The following RAD51C variants were observed in gnomAD, a reference collection of about 807,000 sequenced individuals.
RAD51C encodes the protein DNA repair protein RAD51 homolog 3.
In RAD51C, 42 loss-of-function variants were observed where a neutral mutation model predicts 45.0. The observed-to-expected ratio is 0.93, with a 90% CI of 0.73 to 1.21. The LOEUF (loss-of-function observed/expected upper bound fraction) is 1.21, where lower values mean the gene tolerates loss of function less well. Among genes scored for constraint, RAD51C ranks in the 50% most tolerant of loss-of-function variants. The pLI, the probability that RAD51C is intolerant of heterozygous loss-of-function variation, is 0.00. For synonymous variants in RAD51C, 172 were observed against 159.8 expected (o/e 1.08, Z -0.58); for missense variants, 474 against 452.2 (o/e 1.05, Z -0.44).
intron 7 of RAD51C, among the ~76,000 whole-genome samples, chr17:58,730,186 A>G (rs1046461160): frequency 7.7e-6 from 1 of 130,528 alleles, no homozygotes; most frequent in African/African-American, 2.9e-5. Flanking sequence ...TTTTTTTGAG[A>G]TGGAGTCTCG....
At chr17:58,709,294 G>A (rs958478187) in intron 4 of RAD51C, among the ~76,000 whole-genome samples, 1 of 151,550 alleles carries the variant, frequency 6.6e-6, no homozygotes, top group East Asian at 1.9e-4. Flanking sequence ...GGCCAGGCTG[G>A]TCTTGAACTC....
chr17:58,693,043 T>C (rs1381161795), intron 1 of RAD51C: 2 of 519,990 alleles, frequency 3.8e-6, no homozygotes, highest in Non-Finnish European at 6.9e-6. Flanking sequence ...GATTGTCTCA[T>C]TTAACCCTCA....
chr17:58,733,883 T>C (rs190128562), intron 8 of RAD51C, among the ~76,000 whole-genome samples: 2 of 152,222 alleles, frequency 1.3e-5, no homozygotes, highest in African/African-American at 4.8e-5. Flanking sequence ...CATGCCCAGC[T>C]AATTTTTATA....
At chr17:58,732,738 T>C in intron 8 of RAD51C, 194 bp downstream of exon 8, 2 of 593,516 alleles carry the variant, frequency 3.4e-6, no homozygotes, top group Non-Finnish European at 6.1e-6. Flanking sequence ...CTGAAATTTA[T>C]TCTTAAGAGC....
Position 58,720,597 on chromosome 17 carries a change from G to A in RAD51C, c.838-149G>A, listed in dbSNP as rs1029361412. 24 of 612,526 alleles carry A rather than the reference G, an allele frequency of 3.9e-5. No individual in the cohort carries two copies. Among genetic ancestry groups the A allele is most frequent in the African/African-American group, 2.6e-4 (14 of 54,078 alleles). 37.9% of individuals were successfully genotyped at this position (612,526 alleles called of 1,614,324 possible). A position where few individuals can be genotyped will look rare whatever the true frequency, so the allele number is the denominator to read the frequency against. ...AAATGATTCTCCTGCCTCAGCCTCC[G>A]GAGTAGCTGGGATTACAGGTGCATG... is the stretch of plus-strand genomic sequence containing the variant. On this transcript the variant is annotated intron_variant, in intron 5 of 8. Coordinates refer to ENST00000337432, the MANE Select transcript of RAD51C (RefSeq NM_058216.3).
rs759669075 is a variant in RAD51C, at chr17:58,692,631, A to C, written c.-13A>C. 9 of 1,613,908 alleles carry C rather than the reference A, an allele frequency of 5.6e-6. No homozygotes were observed. The highest frequency in any genetic ancestry group is 2.2e-5 in the East Asian group (1 of 44,886). On this transcript the variant is annotated 5_prime_UTR_variant, in exon 1 of 9. Transcript: ENST00000337432. ...GGAGTTTGGCTGCTCCGGGGTTAGC[A>C]GGTGAGCCTGCGATGCGCGGGAAGA...
In RAD51C at chr17:58,719,518, TA is replaced by T. The variant is rs1036693624; in HGVS notation, c.838-1219del. Reference sequence around the variant, plus strand: ...GGCAACATAGCAAGACCCTGTCTCTTAAAAAAAAAGTTTTATGAGCTAGATG... The same window carrying T: ...GGCAACATAGCAAGACCCTGTCTCTTAAAAAAAAGTTTTATGAGCTAGATG... On this transcript the variant is annotated intron_variant, in intron 5 of 8. Transcript: ENST00000337432. Among the ~76,000 whole-genome samples the T allele has an allele frequency of 1.5e-4, 23 of 150,590 alleles. No homozygotes were observed. In the East Asian group the frequency reaches 3.5e-3, roughly 23 times the overall value.
rs1598460753 is a variant in RAD51C, at chr17:58,696,821, A to G, written c.533A>G (p.Gln178Arg). Reference sequence around the variant, plus strand: ...GTAGACCTTGCTACTGCCTGCATTCAGCACCTTCAGCTTATAGCAGAAAAA... The same window carrying G: ...GTAGACCTTGCTACTGCCTGCATTCGGCACCTTCAGCTTATAGCAGAAAAA... ...RVVDLATACI[Q>R]HLQLIAEKHK... is the part of the protein sequence containing the mutation. The change falls in exon 3 of 9, where the codon CAG (glutamine) becomes CGG (arginine). Residue 178 changes from glutamine to arginine, a missense_variant. Physicochemically the swap from Gln to Arg is conservative, Grantham distance 43 (BLOSUM62 1). Transcript: ENST00000337432. 6.2e-7 allele frequency: 1 copy of G among 1,614,214 alleles called. No individual in the cohort carries two copies. Among genetic ancestry groups the G allele is most frequent in the Non-Finnish European group, 8.5e-7 (1 of 1,180,034 alleles).
chr17:58,733,760 C>T (rs2049540882), intron 8 of RAD51C, among the ~76,000 whole-genome samples: 1 of 152,192 alleles, frequency 6.6e-6, no homozygotes, highest in Non-Finnish European at 1.5e-5. Flanking sequence ...ACTATTTCGC[C>T]CAGGCTAGAG....
At position 58,696,822 on chromosome 17, in the gene RAD51C, G is replaced by T. The variant is rs1567788846; in HGVS notation, c.534G>T (p.Gln178His). 6.2e-7 allele frequency: 1 copy of T among 1,614,164 alleles called. No individual in the cohort carries two copies. ...TAGACCTTGCTACTGCCTGCATTCA[G>T]CACCTTCAGCTTATAGCAGAAAAAC... The part of the protein sequence containing the change: ...RVVDLATACI[Q>H]HLQLIAEKHK... Residue 178 changes from glutamine (Q) to histidine (H), a missense_variant, in exon 3 of 9, where the codon CAG becomes CAT. By Grantham distance (24) the Gln-to-His change is conservative. Coordinates refer to ENST00000337432, the MANE Select transcript of RAD51C (RefSeq NM_058216.3).
intron 3 of RAD51C, among the ~76,000 whole-genome samples, chr17:58,698,752 CT>C (rs1351708339): frequency 1.3e-5 from 2 of 151,330 alleles, no homozygotes; most frequent in African/African-American, 4.8e-5. Context: ...GAAACCCCGT[CT>C]GTACTAAAAA....
chr17:58,733,770 G>A (rs1398220827), intron 8 of RAD51C, among the ~76,000 whole-genome samples: 2 of 152,178 alleles, frequency 1.3e-5, no homozygotes, highest in Admixed American at 1.3e-4. Flanking sequence ...CCAGGCTAGA[G>A]TGCAGTGGCA....
At chr17:58,696,618 T>G in intron 2 of RAD51C, 75 bp from the exon 3 acceptor site, 1 of 1,579,198 alleles carries the variant, frequency 6.3e-7, no homozygotes, top group East Asian at 2.2e-5. Flanking sequence ...ACCTAACTTG[T>G]CATTATCTGG....
chr17:58,712,974 A>C (rs914483826), intron 5 of RAD51C, among the ~76,000 whole-genome samples: 5 of 152,162 alleles, frequency 3.3e-5, no homozygotes, highest in African/African-American at 4.8e-5. Context: ...TTTTAAAAAA[A>C]TCTTAGCCAA....
At chr17:58,719,821 C>T (rs565182966) in intron 5 of RAD51C, among the ~76,000 whole-genome samples, 16 of 150,544 alleles carry the variant, frequency 1.1e-4, no homozygotes, top group South Asian at 2.1e-4. Context: ...CTCTGCTCCC[C>T]GGGTTCACGC....
intron 5 of RAD51C, among the ~76,000 whole-genome samples, chr17:58,719,172 C>T (rs1200252400): frequency 2.6e-5 from 4 of 151,552 alleles, no homozygotes; most frequent in Admixed American, 6.6e-5. Flanking sequence ...TGCAGTGAGC[C>T]GAGATCGCGC....
chr17:58,730,640 G>C (rs945278540), intron 7 of RAD51C, among the ~76,000 whole-genome samples: 1 of 152,120 alleles, frequency 6.6e-6, no homozygotes, highest in African/African-American at 2.4e-5. Context: ...GAGAGTAACA[G>C]ATCATAGCCA....
intron 7 of RAD51C, among the ~76,000 whole-genome samples, chr17:58,729,113 C>T (rs2049294915): frequency 6.6e-6 from 1 of 152,182 alleles, no homozygotes; most frequent in Non-Finnish European, 1.5e-5. Flanking sequence ...GGGCCATGAG[C>T]CAAGTGATTC....
chr17:58,722,429 G>A (rs1471721990), intron 6 of RAD51C, among the ~76,000 whole-genome samples: 1 of 152,110 alleles, frequency 6.6e-6, no homozygotes, highest in African/African-American at 2.4e-5. Context: ...TTTAAAATGT[G>A]GCTAATGCAG....
Sources: gnomAD v4.1 joint callset for allele counts (sites outside exome capture counted in the v4.1 genomes callset) on GRCh38, gnomAD v4.1.1 for gene constraint, MANE v1.5 for transcripts, NCBI Gene and HGNC (gene_info 2026-07-23, HGNC 2026-07-21) for gene names.